The following ANKFY1 variants were observed in gnomAD, a reference collection of about 807,000 sequenced individuals.
ANKFY1 encodes ankyrin repeat and FYVE domain containing 1.
In ANKFY1, 47 loss-of-function variants were observed where a neutral mutation model predicts 128.3. The observed-to-expected ratio is 0.37, with a 90% CI of 0.29 to 0.47. The LOEUF is 0.47. Among genes scored for constraint, ANKFY1 ranks in the 20% least tolerant of loss-of-function variants. The pLI, the probability that ANKFY1 is intolerant of heterozygous loss-of-function variation, is 1.00. For synonymous variants in ANKFY1, 553 were observed against 601.6 expected (o/e 0.92, Z 1.18); for missense variants, 1,222 against 1,510.6 (o/e 0.81, Z 3.17).
At chr17:4,185,183 CT>C (rs1358730560) in intron 11 of ANKFY1, 137 bp from the exon 12 acceptor site, 4 of 766,182 alleles carry the variant, frequency 5.2e-6, no homozygotes, top group Admixed American at 4.1e-5. Context: ...TGTTCTCTTT[CT>C]CCTGAGCCAT....
At chr17:4,185,201 C>T (rs757630941) in intron 11 of ANKFY1, among the ~76,000 whole-genome samples, 155 bp from the exon 12 acceptor site, 5 of 152,116 alleles carry the variant, frequency 3.3e-5, no homozygotes, top group Admixed American at 6.5e-5. Context: ...CCATCGCTCT[C>T]AGTATCTTTT....
intron 16 of ANKFY1, 189 bp from the exon 17 acceptor site, chr17:4,180,066 G>A: frequency 4.3e-6 from 3 of 693,862 alleles, no homozygotes; most frequent in African/African-American, 1.8e-5. Context: ...TCTGTGACTG[G>A]TCTTGGGGGT....
chr17:4,190,267 C>A (rs533750102), intron 10 of ANKFY1, among the ~76,000 whole-genome samples: 1 of 152,210 alleles, frequency 6.6e-6, no homozygotes, highest in South Asian at 2.1e-4. Context: ...ATGGTGAAAA[C>A]CTGTCTCTAC....
At chr17:4,247,040 T>C (rs1967578993) in intron 1 of ANKFY1, among the ~76,000 whole-genome samples, 1 of 151,106 alleles carries the variant, frequency 6.6e-6, no homozygotes, top group African/African-American at 2.4e-5. Context: ...TTGAGCCTGG[T>C]AGGACGTAGA....
intron 4 of ANKFY1, among the ~76,000 whole-genome samples, chr17:4,213,808 C>T (rs565287479): frequency 4.6e-5 from 7 of 152,154 alleles, no homozygotes; most frequent in African/African-American, 9.6e-5. Context: ...CTCCTGACTT[C>T]GGGATCCACC....
At chr17:4,194,909 G>A (rs780155845) in intron 10 of ANKFY1, 69 bp downstream of exon 10, 1 of 1,481,592 alleles carries the variant, frequency 6.7e-7, no homozygotes, top group South Asian at 1.2e-5. Context: ...TTGGGGTGAA[G>A]GCATTTACAT....
Position 4,169,586 on chromosome 17 carries a change from G to A in ANKFY1, c.3287-298C>T, listed in dbSNP as rs1436740340. On this transcript the variant is annotated intron_variant, in intron 23 of 24. Transcript: ENST00000341657. This position sits in a 1 kb window ranked among gnomAD's most constrained non-coding sequence, Gnocchi z 5.0. ...ATGGCTGGGATGGAAGGCACGGTAG[G>A]GAGAGAACAGAGACCACACAGCTAG... 1.3e-5 allele frequency among the ~76,000 whole-genome samples: 2 copies of A among 152,186 alleles called. No homozygotes were observed. The highest frequency in any genetic ancestry group is 1.9e-4 in the East Asian group (1 of 5,184).
intron 12 of ANKFY1, among the ~76,000 whole-genome samples, chr17:4,184,308 C>T (rs1273062789): frequency 6.6e-6 from 1 of 152,162 alleles, no homozygotes; most frequent in East Asian, 1.9e-4. Flanking sequence ...CAACCTCCCT[C>T]CAGAAGGACA....
intron 7 of ANKFY1, 121 bp from the exon 8 acceptor site, chr17:4,197,698 A>T (rs1347783384): frequency 9.0e-6 from 8 of 884,606 alleles, no homozygotes; most frequent in Non-Finnish European, 1.4e-5. Context: ...TGTCTGAAGG[A>T]ACCTCTTGGG....
chr17:4,263,207 G>A (rs879426425), intron 1 of ANKFY1, among the ~76,000 whole-genome samples: 5 of 152,182 alleles, frequency 3.3e-5, no homozygotes, highest in Non-Finnish European at 5.9e-5. Context: ...CAGACTCTGA[G>A]AGACCAGAGT....
intron 16 of ANKFY1, chr17:4,180,259 C>G: frequency 5.7e-6 from 1 of 174,896 alleles, no homozygotes; most frequent in Non-Finnish European, 1.2e-5. Context: ...GAAACCCCCT[C>G]TCTGCTAAAA....
intron 1 of ANKFY1, among the ~76,000 whole-genome samples, chr17:4,243,454 C>T (rs2143401835): frequency 6.6e-6 from 1 of 152,228 alleles, no homozygotes; most frequent in Non-Finnish European, 1.5e-5. Context: ...CTGCCTCAGC[C>T]TCCCACAGCT....
intron 3 of ANKFY1, chr17:4,222,460 G>A (rs888229213): frequency 1.2e-6 from 1 of 815,906 alleles, no homozygotes; most frequent in Admixed American, 1.7e-5. Context: ...ATTCCAAGCG[G>A]ACAATGTTTT....
chr17:4,182,027 G>A lies in ANKFY1; in HGVS notation c.2121+154C>T, dbSNP rs78297137. ...AGGTCAGCCAAGACCATGTTGAACT[G>A]CAAGTTTCTTTAACATGCTTTCAAC... On this transcript the variant is annotated intron_variant, in intron 15 of 24. Coordinates refer to ENST00000341657, the MANE Select transcript of ANKFY1 (RefSeq NM_001330063.2). 0.071 allele frequency among the ~76,000 whole-genome samples: 10,883 copies of A among 152,302 alleles called. 486 individuals are homozygous for A. Among genetic ancestry groups the A allele is most frequent in the South Asian group, 0.14 (697 of 4,824 alleles).
rs527706756 is a variant in ANKFY1 at position 4,185,494 on chromosome 17, C to T, written c.1471-448G>A. ...CTGGGATTACAAGCGTGAGCCACCA[C>T]GCCCGGCCCATTTTTTTTTTTGAAG... On this transcript the variant is annotated intron_variant, in intron 11 of 24. Coordinates refer to ENST00000341657, the MANE Select transcript of ANKFY1 (RefSeq NM_001330063.2). 2.7e-3 allele frequency among the ~76,000 whole-genome samples: 407 copies of T among 152,090 alleles called. 4 individuals carry two copies. The highest frequency in any genetic ancestry group is 9.1e-3 in the African/African-American group (377 of 41,452).
In ANKFY1 at chr17:4,177,272, C is replaced by G. The variant is rs2059426120; in HGVS notation, c.2629G>C (p.Val877Leu). ...VDNKGRNFLH[V>L]AVQNSDIESV... ...TCAATATCAGAGTTCTGAACTGCCACATGAAGGAAATTCCGGCCCTTGTTA... is the reference window on the plus strand; with the variant it reads ...TCAATATCAGAGTTCTGAACTGCCAGATGAAGGAAATTCCGGCCCTTGTTA... Residue 877 changes from valine to leucine, a missense_variant, in exon 19 of 25, where the codon GTG becomes CTG. Val to Leu is a conservative substitution (Grantham distance 32). Coordinates refer to ENST00000341657, the MANE Select transcript of ANKFY1 (RefSeq NM_001330063.2). The G allele has an allele frequency of 1.9e-6, 3 of 1,595,322 alleles. No individual in the cohort carries two copies. Among genetic ancestry groups the G allele is most frequent in the Non-Finnish European group, 2.6e-6 (3 of 1,171,126 alleles).
intron 1 of ANKFY1, among the ~76,000 whole-genome samples, chr17:4,253,302 G>A (rs1967942017): frequency 6.6e-6 from 1 of 152,210 alleles, no homozygotes; most frequent in Non-Finnish European, 1.5e-5. Context: ...GAAGCCAGGG[G>A]AATGGGACTG....
chr17:4,176,774 C>T (rs2059418326), intron 19 of ANKFY1, among the ~76,000 whole-genome samples: 1 of 152,226 alleles, frequency 6.6e-6, no homozygotes, highest in Non-Finnish European at 1.5e-5. Context: ...TTTCTCATAC[C>T]CCTCTGTGGT....
intron 1 of ANKFY1, among the ~76,000 whole-genome samples, chr17:4,250,607 A>G (rs1470716606): frequency 6.6e-6 from 1 of 152,172 alleles, no homozygotes; most frequent in Non-Finnish European, 1.5e-5. Flanking sequence ...TGGTCTATAG[A>G]TCCAATACCT....
Sources: gnomAD v4.1 joint callset for allele counts (sites outside exome capture counted in the v4.1 genomes callset) on GRCh38, gnomAD v4.1.1 for gene constraint, Gnocchi (gnomAD v3.1) non-coding constraint, MANE v1.5 for transcripts, NCBI Gene and HGNC (gene_info 2026-07-23, HGNC 2026-07-21) for gene names.